The following ATF7IP variants were observed in gnomAD, a reference collection of about 807,000 sequenced individuals.
The protein encoded by ATF7IP is activating transcription factor 7 interacting protein, also known as activating transcription factor 7-interacting protein 1.
In ATF7IP, 23 loss-of-function variants were observed where a neutral mutation model predicts 106.4. The ratio of observed to expected loss-of-function variants is 0.22; its 90% CI spans 0.16 to 0.31. The LOEUF is 0.31. ATF7IP is among the 10% of genes least tolerant of loss of function. The probability of loss-of-function intolerance (pLI) is 1.00; values close to 1 mark genes in which losing one functional copy is unlikely to be tolerated. For synonymous variants in ATF7IP, 542 were observed against 539.0 expected (o/e 1.01, Z -0.08); for missense variants, 1,334 against 1,524.3 (o/e 0.88, Z 2.08).
chr12:14,411,562 G>GA (rs542564452), intron 1 of ATF7IP, among the ~76,000 whole-genome samples: 2,363 of 144,524 alleles, frequency 0.016, 21 homozygotes, highest in Non-Finnish European at 0.02. Context: ...AACAGAAAAA[G>GA]AAAAAAAAAA....
At chr12:14,497,063 A>G (rs755661600) in intron 14 of ATF7IP, among the ~76,000 whole-genome samples, 13 of 152,104 alleles carry the variant, frequency 8.5e-5, no homozygotes, top group Non-Finnish European at 1.6e-4. Context: ...GCCTTTGCTC[A>G]TGCTTTATTT....
chr12:14,496,152 T>G, intron 13 of ATF7IP, 79 bp from the exon 14 acceptor site: 1 of 902,386 alleles, frequency 1.1e-6, no homozygotes, highest in Non-Finnish European at 1.7e-6. Flanking sequence ...CTTCACTGCC[T>G]TCAAATATTT....
intron 4 of ATF7IP, among the ~76,000 whole-genome samples, 161 bp from the exon 5 acceptor site, chr12:14,437,969 C>T (rs955383055): frequency 3.3e-5 from 5 of 151,938 alleles, no homozygotes; most frequent in African/African-American, 7.3e-5. Context: ...AGGAGAATGG[C>T]GTGAACCCGG....
At chr12:14,402,127 C>CTTTTTTT (rs11297116) in intron 1 of ATF7IP, among the ~76,000 whole-genome samples, 18 of 101,844 alleles carry the variant, frequency 1.8e-4, no homozygotes, top group Non-Finnish European at 1.7e-4. Flanking sequence ...TTTCTTCTTT[C>CTTTTTTT]TTTTTTTTTT....
intron 5 of ATF7IP, among the ~76,000 whole-genome samples, chr12:14,443,760 G>GT (rs1213240123): frequency 1.3e-5 from 2 of 152,166 alleles, no homozygotes; most frequent in Admixed American, 1.3e-4. Context: ...GTAACAATTG[G>GT]TAAGTGGGAA....
rs114032760 is a variant in ATF7IP, at chr12:14,424,917, A to G, written c.1002A>G (p.Ser334=). Reference sequence around the variant, plus strand: ...TAGAGCAAATTCAGAGTAAAGACTCATTGGATGAGAAAAATAAAGCTGATA... The same window carrying G: ...TAGAGCAAATTCAGAGTAAAGACTCGTTGGATGAGAAAAATAAAGCTGATA... ...EKLEQIQSKD[S]LDEKNKADNN... The change falls in exon 2 of 15, where the codon TCA becomes TCG. Residue 334 remains serine, a synonymous_variant. Transcript: ENST00000261168. The G allele has an allele frequency of 1.9e-6, 3 of 1,605,510 alleles. No homozygotes were observed. Among genetic ancestry groups the G allele is most frequent in the Non-Finnish European group, 2.5e-6 (3 of 1,177,976 alleles).
chr12:14,434,985 G>T (rs1942331353), intron 3 of ATF7IP, among the ~76,000 whole-genome samples: 1 of 152,098 alleles, frequency 6.6e-6, no homozygotes, highest in African/African-American at 2.4e-5. Context: ...CTACTTTGGA[G>T]GCTGCAGTGG....
At chr12:14,443,521 A>G (rs1942808605) in intron 5 of ATF7IP, among the ~76,000 whole-genome samples, 2 of 152,260 alleles carry the variant, frequency 1.3e-5, no homozygotes, top group South Asian at 4.1e-4. Context: ...TACATGCCAA[A>G]TCAGGATTTG....
At chr12:14,465,652 A>G (rs1336843531) in intron 9 of ATF7IP, among the ~76,000 whole-genome samples, 1 of 152,158 alleles carries the variant, frequency 6.6e-6, no homozygotes, top group Non-Finnish European at 1.5e-5. Context: ...TTCTCTTTTA[A>G]CAGGTGAATA....
At chr12:14,423,096 T>C (rs1333933868) in intron 1 of ATF7IP, among the ~76,000 whole-genome samples, 1 of 152,264 alleles carries the variant, frequency 6.6e-6, no homozygotes, top group Middle Eastern at 3.4e-3. Flanking sequence ...GTGTGTGCAG[T>C]GTTATTTCAT....
chr12:14,400,651 T>C (rs1009920927), intron 1 of ATF7IP, among the ~76,000 whole-genome samples: 7 of 152,134 alleles, frequency 4.6e-5, no homozygotes, highest in African/African-American at 1.7e-4. Context: ...TCCTGATATA[T>C]TCCTTTGTAA....
intron 5 of ATF7IP, among the ~76,000 whole-genome samples, chr12:14,444,383 T>C (rs1010195787): frequency 3.9e-5 from 6 of 151,904 alleles, no homozygotes; most frequent in South Asian, 2.1e-4. Context: ...GGAAACCTCT[T>C]TTTTTTTGTA....
At chr12:14,468,013 TC>T (rs1943895043) in intron 10 of ATF7IP, among the ~76,000 whole-genome samples, 2 of 152,212 alleles carry the variant, frequency 1.3e-5, no homozygotes, top group Middle Eastern at 3.4e-3. Flanking sequence ...ACACCTATAA[TC>T]CTAGCACTTT....
intron 1 of ATF7IP, among the ~76,000 whole-genome samples, chr12:14,413,978 A>G (rs1941064619): frequency 6.6e-6 from 1 of 152,186 alleles, no homozygotes; most frequent in African/African-American, 2.4e-5. Context: ...TTGAGCTAGA[A>G]TGGAACTTAG....
At chr12:14,462,437 A>C (rs1421277048) in intron 9 of ATF7IP, among the ~76,000 whole-genome samples, 1 of 151,882 alleles carries the variant, frequency 6.6e-6, no homozygotes, top group Non-Finnish European at 1.5e-5. Context: ...GTTTTATGTG[A>C]TTTTGGGTTT....
rs1945073907 is a variant in ATF7IP, at chr12:14,498,341, TTA to T, written c.*270_*271del. On this transcript the variant is annotated 3_prime_UTR_variant, in exon 15 of 15. Coordinates refer to ENST00000261168, the MANE Select transcript of ATF7IP (RefSeq NM_018179.5). ...GAGGCTGGGGAATATGTGTGGGTGT[TTA>T]TGTGTGTTTTTCCTTATGTAGGTGT... The T allele has an allele frequency of 2.5e-5, 9 of 366,618 alleles. No individual in the cohort carries two copies. In the East Asian group the frequency reaches 3.8e-4, roughly 16 times the overall value. 22.7% of individuals were successfully genotyped at this position (366,618 alleles called of 1,614,324 possible). A position where few individuals can be genotyped will look rare whatever the true frequency, so the allele number is the denominator to read the frequency against.
intron 5 of ATF7IP, among the ~76,000 whole-genome samples, chr12:14,442,259 A>G (rs1291913915): frequency 6.6e-6 from 1 of 152,118 alleles, no homozygotes; most frequent in African/African-American, 2.4e-5. Flanking sequence ...ATTAATATCT[A>G]CTTATTTTCA....
intron 9 of ATF7IP, among the ~76,000 whole-genome samples, chr12:14,462,786 A>G (rs942775381): frequency 6.6e-5 from 10 of 151,980 alleles, no homozygotes; most frequent in Non-Finnish European, 1.5e-4. Flanking sequence ...TTGGTATAGC[A>G]TTCTGAGATA....
intron 2 of ATF7IP, among the ~76,000 whole-genome samples, chr12:14,430,474 T>C (rs1194106889): frequency 6.6e-6 from 1 of 152,188 alleles, no homozygotes; most frequent in African/African-American, 2.4e-5. Flanking sequence ...ATAGGAGATA[T>C]TATTTGCCAT....
Sources: gnomAD v4.1 joint callset for allele counts (sites outside exome capture counted in the v4.1 genomes callset) on GRCh38, gnomAD v4.1.1 for gene constraint, MANE v1.5 for transcripts, NCBI Gene and HGNC (gene_info 2026-07-23, HGNC 2026-07-21) for gene names.